The following MUC6 variants were observed in gnomAD, a reference collection of about 807,000 sequenced individuals.
MUC6 encodes the protein mucin 6, oligomeric mucus/gel-forming (gene/pseudogene).
In MUC6, 188 loss-of-function variants were observed where a neutral mutation model predicts 201.5. That is an observed-to-expected ratio of 0.93 (90% CI 0.83 to 1.05). The LOEUF (loss-of-function observed/expected upper bound fraction) is 1.05, where lower values mean the gene tolerates loss of function less well. Among genes scored for constraint, MUC6 ranks in the 50% least tolerant of loss-of-function variants. The pLI, the probability that MUC6 is intolerant of heterozygous loss-of-function variation, is 0.00. For missense variants in MUC6, 2,706 were observed against 3,256.9 expected (o/e 0.83, Z 4.12); for synonymous variants, 1,228 against 1,389.4 (o/e 0.88, Z 2.58).
Position 1,029,048 on chromosome 11 carries a change from G to A in MUC6, c.1378C>T (p.Gln460Ter), listed in dbSNP as rs745739904. Residue 460 changes from glutamine to a stop codon, truncating the protein, a stop_gained and splice_region_variant, in exon 11 of 33, where the codon CAG becomes TAG. Coordinates refer to ENST00000421673, the MANE Select transcript of MUC6 (RefSeq NM_005961.3). LOFTEE classifies it high-confidence loss of function. Reference protein sequence around the residue: ...SLVAVVYLSRQDKIVISQDEV... With the variant: ...SLVAVVYLSR The stretch of plus-strand genomic sequence containing the variant: ...GATGGGCGCAGGAAAGGCCTTACCT[G>A]CCTGGAGAGGTAGACCACAGCCACC... 5.6e-6 allele frequency: 9 copies of A among 1,612,738 alleles called. No homozygotes were observed. Among genetic ancestry groups the A allele is most frequent in the Non-Finnish European group, 7.6e-6 (9 of 1,179,806 alleles).
intron 26 of MUC6, 135 bp downstream of exon 26, chr11:1,023,374 G>A: frequency 8.6e-7 from 1 of 1,168,220 alleles, no homozygotes; most frequent in Non-Finnish European, 1.2e-6. Context: ...ATGAATGTGT[G>A]CAAATTAATG....
At chr11:1,024,817 C>T (rs770264825) in intron 24 of MUC6, 27 bp downstream of exon 24, 72 of 1,595,778 alleles carry the variant, frequency 4.5e-5, no homozygotes, top group East Asian at 4.1e-4. Context: ...GAGGGGCAGG[C>T]GCACAGCCCT....
intron 25 of MUC6, 24 bp downstream of exon 25, chr11:1,023,923 C>A (rs1161653713): frequency 6.2e-7 from 1 of 1,608,626 alleles, no homozygotes; most frequent in African/African-American, 1.3e-5. Flanking sequence ...GCTGGAGCAA[C>A]CTGTGGGAGG....
intron 26 of MUC6, among the ~76,000 whole-genome samples, chr11:1,023,232 GTGAA>G (rs550373784): frequency 2.5e-3 from 386 of 151,906 alleles, no homozygotes; most frequent in African/African-American, 6.7e-3. Flanking sequence ...TAGTGACTGC[GTGAA>G]TGAATGTGTG....
rs779083721 is a variant in MUC6 at position 1,027,327 on chromosome 11, T to A, written c.2172A>T (p.Ile724=). Reference sequence around the variant, plus strand: ...CCAGGATGAACTTGTAACCCTCCAGTATGCACGGGCACTGGGCCTTGCGCA... The same window carrying A: ...CCAGGATGAACTTGTAACCCTCCAGAATGCACGGGCACTGGGCCTTGCGCA... ...ECVRKAQCPC[I]LEGYKFILAE... Residue 724 remains isoleucine, a synonymous_variant, in exon 17 of 33, where the codon ATA becomes ATT. Coordinates refer to ENST00000421673, the MANE Select transcript of MUC6 (RefSeq NM_005961.3). 6.2e-7 allele frequency: 1 copy of A among 1,612,948 alleles called. No individual in the cohort carries two copies. Among genetic ancestry groups the A allele is most frequent in the South Asian group, 1.1e-5 (1 of 91,084 alleles).
Position 1,023,486 on chromosome 11 carries a change from G to A in MUC6, c.3526+23C>T, listed in dbSNP as rs753047049. ...TGAATGGGTCCCCCTGTGTATCTGCGTTGCCTCCCGGTCACCTGGCACCTT... is the reference window on the plus strand; with the variant it reads ...TGAATGGGTCCCCCTGTGTATCTGCATTGCCTCCCGGTCACCTGGCACCTT... On this transcript the variant is annotated intron_variant, in intron 26 of 32. Coordinates refer to ENST00000421673, the MANE Select transcript of MUC6 (RefSeq NM_005961.3). 9.0e-6 allele frequency: 14 copies of A among 1,556,464 alleles called. No homozygotes were observed. In the East Asian group the frequency reaches 1.9e-4, roughly 21 times the overall value.
Position 1,016,411 on chromosome 11 carries a change from TGAG to T in MUC6, c.6387_6389del (p.Ser2130del), listed in dbSNP as rs765184193. ...AGGGGGCAGAAGGACTGGGAGAAAA[TGAG>T]GAGGACAGCTGATTAGTTGTGGAAA... On this transcript the variant is annotated inframe_deletion, in exon 31 of 33. Coordinates refer to ENST00000421673, the MANE Select transcript of MUC6 (RefSeq NM_005961.3). 6.1e-5 allele frequency: 99 copies of T among 1,612,812 alleles called. No homozygotes were observed. The highest frequency in any genetic ancestry group is 2.0e-4 in the South Asian group (18 of 91,018).
In MUC6 at chr11:1,036,707, A is replaced by T; in HGVS notation, c.-52T>A. On this transcript the variant is annotated 5_prime_UTR_variant, in exon 1 of 33. It removes an upstream start codon present in the reference 5' UTR. Transcript: ENST00000421673. ...TGGGCCCGGCAGGCCTGCTGCTGCC[A>T]TCCATGCGGCTCCAACGGCCGGTCC... 6.5e-7 allele frequency: 1 copy of T among 1,530,794 alleles called. No homozygotes were observed. The highest frequency in any genetic ancestry group is 1.4e-5 in the African/African-American group (1 of 72,654). The allele number at this position is 1,530,794 out of a possible 1,614,324, so 94.8% of individuals were successfully genotyped here.
At chr11:1,019,922 T>C in intron 29 of MUC6, 168 bp downstream of exon 29, 1 of 920,284 alleles carries the variant, frequency 1.1e-6, no homozygotes. Flanking sequence ...TAAAAGTTTT[T>C]CCGAAAAATC....
intron 25 of MUC6, 130 bp downstream of exon 25, chr11:1,023,817 T>C: frequency 6.9e-7 from 1 of 1,443,130 alleles, no homozygotes; most frequent in South Asian, 1.4e-5. Flanking sequence ...AGGGCCAGGG[T>C]GGCCCCGCAG....
chr11:1,022,569 C>T (rs1278653301), intron 26 of MUC6, among the ~76,000 whole-genome samples: 1 of 152,360 alleles, frequency 6.6e-6, no homozygotes, highest in East Asian at 1.9e-4. Flanking sequence ...CCCCAGCCTG[C>T]CTTTCTCCTC....
intron 32 of MUC6, 79 bp from the exon 33 acceptor site, chr11:1,013,712 C>G: frequency 6.8e-7 from 1 of 1,476,066 alleles, no homozygotes; most frequent in Non-Finnish European, 9.2e-7. Flanking sequence ...GCAGCTGCTC[C>G]GCAGAGGCCT....
In MUC6 at chr11:1,020,035, T is replaced by C. The variant is rs118077723; in HGVS notation, c.3808+55A>G. 7.5e-4 allele frequency: 1,178 copies of C among 1,580,146 alleles called. 9 individuals are homozygous for C. The East Asian group carries it at 0.02, about 26-fold the overall frequency. On this transcript the variant is annotated intron_variant, in intron 29 of 32. Coordinates refer to ENST00000421673, the MANE Select transcript of MUC6 (RefSeq NM_005961.3). ...CATCCCTAAGCCCACCCCAGAGGTG[T>C]ACCTAGGACCTCCTGCAGCTGCCCT...
Position 1,028,919 on chromosome 11 carries a change from C to T in MUC6, c.1423G>A (p.Gly475Arg), listed in dbSNP as rs376139393. The T allele has an allele frequency of 7.6e-5, 122 of 1,612,798 alleles. 1 individual carries two copies. The Admixed American group carries it at 1.9e-3, about 25-fold the overall frequency. ...ISQDEVVTNN[G>R]EAKWLPYKTR... ...TTGTATGGCAGCCACTTGGCTTCTCCGTTGTTGGTGACCACCTCGTCCTGA... is the reference window on the plus strand; with the variant it reads ...TTGTATGGCAGCCACTTGGCTTCTCTGTTGTTGGTGACCACCTCGTCCTGA... The change falls in exon 12 of 33, where the codon GGA becomes AGA. Residue 475 changes from glycine (G) to arginine (R), a missense_variant. Gly to Arg is a moderately radical substitution (Grantham distance 125, BLOSUM62 -2). Coordinates refer to ENST00000421673, the MANE Select transcript of MUC6 (RefSeq NM_005961.3).
At position 1,019,409 on chromosome 11, in the gene MUC6, G is replaced by T; in HGVS notation, c.3896C>A (p.Pro1299His). The change falls in exon 30 of 33, where the codon CCC becomes CAC. Residue 1299 changes from proline to histidine, a missense_variant. Coordinates refer to ENST00000421673, the MANE Select transcript of MUC6 (RefSeq NM_005961.3). Reference protein sequence around the residue: ...TATLRSTATKPTVTQATTRAT... With the variant: ...TATLRSTATKHTVTQATTRAT... ...CCTGGTTGTGGCCTGGGTCACTGTG[G>T]GTTTTGTGGCTGTCGATCTCAGTGT... The T allele has an allele frequency of 6.2e-7, 1 of 1,613,842 alleles. No homozygotes were observed. Among genetic ancestry groups the T allele is most frequent in the Non-Finnish European group, 8.5e-7 (1 of 1,179,766 alleles).
At position 1,029,428 on chromosome 11, in the gene MUC6, C is replaced by A; in HGVS notation, c.1137-62G>T. 3 of 1,598,300 alleles carry A rather than the reference C, an allele frequency of 1.9e-6. No homozygotes were observed. In the South Asian group the frequency reaches 3.4e-5, roughly 18 times the overall value. On this transcript the variant is annotated intron_variant, in intron 9 of 32. Coordinates refer to ENST00000421673, the MANE Select transcript of MUC6 (RefSeq NM_005961.3). ...GGGCCGCTGGAGCCAGACAGCACAC[C>A]CCTGCCTGCCCTAGGCCAGTGGAAC... is the stretch of plus-strand genomic sequence containing the variant.
intron 3 of MUC6, 24 bp downstream of exon 3, chr11:1,031,789 C>A (rs779514967): frequency 1.3e-6 from 2 of 1,566,888 alleles, no homozygotes; most frequent in Non-Finnish European, 1.7e-6. Context: ...CCCGAGCCCC[C>A]GGGCCCCGGC....
intron 31 of MUC6, 39 bp from the exon 32 acceptor site, chr11:1,014,040 G>A (rs372928513): frequency 7.1e-6 from 11 of 1,544,112 alleles, no homozygotes; most frequent in Non-Finnish European, 8.8e-6. Context: ...CCCAGGGTGG[G>A]CATGGAGCGA....
At position 1,025,222 on chromosome 11, in the gene MUC6, C is replaced by G. The variant is rs1300987276; in HGVS notation, c.2945G>C (p.Arg982Thr). 1.2e-6 allele frequency: 2 copies of G among 1,612,700 alleles called. No homozygotes were observed. Among genetic ancestry groups the G allele is most frequent in the African/African-American group, 1.3e-5 (1 of 74,930 alleles). ...GRYNLTLIWNRHMTILIRIAR... is the reference protein window; with the variant it reads ...GRYNLTLIWNTHMTILIRIAR... ...GATCCTGATGAGGATGGTCATGTGC[C>G]TGTTCCAGATGAGCGTCAGGTTGTA... Residue 982 changes from arginine (R) to threonine (T), a missense_variant, in exon 23 of 33, where the codon AGG becomes ACG. Transcript: ENST00000421673.
Sources: gnomAD v4.1 joint callset for allele counts (sites outside exome capture counted in the v4.1 genomes callset) on GRCh38, gnomAD v4.1.1 for gene constraint, MANE v1.5 for transcripts, NCBI Gene and HGNC (gene_info 2026-07-23, HGNC 2026-07-21) for gene names.